VWA8: variants seen among roughly 807,000 people sequenced by gnomAD.
VWA8 encodes von Willebrand factor A domain-containing protein 8.
Under a neutral mutation model 241.5 loss-of-function variants are expected in VWA8, and 221 were observed. That is an observed-to-expected ratio of 0.91 (90% CI 0.82 to 1.02). The LOEUF (loss-of-function observed/expected upper bound fraction) is 1.02, where lower values mean the gene tolerates loss of function less well. Among genes scored for constraint, VWA8 ranks in the 50% least tolerant of loss-of-function variants. The pLI, the probability that VWA8 is intolerant of heterozygous loss-of-function variation, is 0.00. For synonymous variants in VWA8, 852 were observed against 827.1 expected (o/e 1.03, Z -0.52); for missense variants, 2,322 against 2,328.7 (o/e 1.00, Z 0.06).
rs773289524 is a variant in VWA8 at position 41,575,848 on chromosome 13, A to C, written c.5272-10T>G. 1 of 1,594,248 alleles carries C rather than the reference A, an allele frequency of 6.3e-7. No homozygotes were observed. The highest frequency in any genetic ancestry group is 2.2e-5 in the East Asian group (1 of 44,796). On this transcript the variant is annotated splice_polypyrimidine_tract_variant and intron_variant, in intron 42 of 44. Coordinates refer to ENST00000379310, the MANE Select transcript of VWA8 (RefSeq NM_015058.2). ...GTCCAACGATGTCATACTACATGCA[A>C]GAGAACCAGAAAGTTATAAACTTTT...
chr13:41,881,187 C>T (rs866971843), intron 9 of VWA8, among the ~76,000 whole-genome samples: 1 of 151,964 alleles, frequency 6.6e-6, no homozygotes, highest in Non-Finnish European at 1.5e-5. Context: ...AACCTGGGAA[C>T]TCCATCATTT....
At position 41,878,423 on chromosome 13, in the gene VWA8, CT is replaced by C. The variant is rs200400485; in HGVS notation, c.1080+4963del. ...TTATATCAATAAATACTCTTCCACT[CT>C]TTTTTTTTTTTGACTCTTCCACTCT... is the stretch of plus-strand genomic sequence containing the variant. On this transcript the variant is annotated intron_variant, in intron 9 of 44. Coordinates refer to ENST00000379310, the MANE Select transcript of VWA8 (RefSeq NM_015058.2). 2.8e-3 allele frequency among the ~76,000 whole-genome samples: 407 copies of C among 145,304 alleles called. 2 individuals carry two copies. The highest frequency in any genetic ancestry group is 0.01 in the East Asian group (52 of 5,034).
At chr13:41,665,717 C>A (rs1471401966) in intron 37 of VWA8, among the ~76,000 whole-genome samples, 1 of 151,936 alleles carries the variant, frequency 6.6e-6, no homozygotes, top group Admixed American at 6.6e-5. Flanking sequence ...AATTTGTTTT[C>A]TTTATACTTT....
intron 26 of VWA8, among the ~76,000 whole-genome samples, chr13:41,710,218 C>T (rs1705552165): frequency 6.6e-6 from 1 of 152,180 alleles, no homozygotes; most frequent in Non-Finnish European, 1.5e-5. Flanking sequence ...ACTTACAAGA[C>T]TCAACAAATG....
At position 41,611,677 on chromosome 13, in the gene VWA8, T is replaced by C. The variant is rs2044589710; in HGVS notation, c.4776A>G (p.Ala1592=). ...GGKGGPYRLD[A]GHTVYQVSQA... The stretch of plus-strand genomic sequence containing the variant: ...GAGAGACCTGGTACACCGTATGGCC[T>C]GCATCCAGCCGGTAAGGGCCTCCTT... The change falls in exon 39 of 45, where the codon GCA becomes GCG. Residue 1592 remains alanine (A), a synonymous_variant. Coordinates refer to ENST00000379310, the MANE Select transcript of VWA8 (RefSeq NM_015058.2). 6.2e-7 allele frequency: 1 copy of C among 1,614,106 alleles called. No individual in the cohort carries two copies. Among genetic ancestry groups the C allele is most frequent in the African/African-American group, 1.3e-5 (1 of 75,052 alleles).
At chr13:41,635,882 G>A (rs1304671660) in intron 37 of VWA8, among the ~76,000 whole-genome samples, 1 of 152,130 alleles carries the variant, frequency 6.6e-6, no homozygotes, top group East Asian at 1.9e-4. Flanking sequence ...GGGGGGTGCT[G>A]AGTTAGAAGT....
chr13:41,571,876 C>T (rs1317622421), intron 43 of VWA8, among the ~76,000 whole-genome samples: 2 of 151,960 alleles, frequency 1.3e-5, no homozygotes, highest in East Asian at 1.9e-4. Context: ...CGCCTCTTCC[C>T]GGCCGCCATC....
At chr13:41,648,688 T>C (rs1281565579) in intron 37 of VWA8, among the ~76,000 whole-genome samples, 4 of 152,232 alleles carry the variant, frequency 2.6e-5, no homozygotes, top group Non-Finnish European at 1.5e-5. Flanking sequence ...ACAAAAACTT[T>C]TTCATCTTCT....
At chr13:41,611,824 A>G (rs1285144712) in intron 38 of VWA8, 92 bp from the exon 39 acceptor site, 5 of 1,419,010 alleles carry the variant, frequency 3.5e-6, no homozygotes, top group Non-Finnish European at 4.8e-6. Flanking sequence ...CTTGTGGAGG[A>G]TATTAATTGT....
At chr13:41,800,113 T>G (rs1358905282) in intron 17 of VWA8, among the ~76,000 whole-genome samples, 4 of 152,256 alleles carry the variant, frequency 2.6e-5, no homozygotes, top group Admixed American at 2.6e-4. Context: ...CATGTATCAA[T>G]ACTTCATTTC....
At chr13:41,740,462 A>T (rs1488986247) in intron 21 of VWA8, among the ~76,000 whole-genome samples, 2 of 152,246 alleles carry the variant, frequency 1.3e-5, no homozygotes, top group South Asian at 2.1e-4. Context: ...AACTGGGTTG[A>T]ACTGAAGACG....
intron 37 of VWA8, among the ~76,000 whole-genome samples, chr13:41,644,371 T>C (rs536769284): frequency 5.3e-5 from 8 of 152,346 alleles, no homozygotes; most frequent in Non-Finnish European, 1.0e-4. Context: ...TCTTAGCAGA[T>C]ACATGTAGAG....
chr13:41,891,716 C>A, intron 4 of VWA8, 129 bp from the exon 5 acceptor site: 2 of 1,016,276 alleles, frequency 2.0e-6, no homozygotes, highest in East Asian at 2.6e-5. Context: ...AGCTGAGTTC[C>A]AGATCTTGTT....
intron 21 of VWA8, among the ~76,000 whole-genome samples, chr13:41,743,349 C>T (rs903614954): frequency 4.6e-5 from 7 of 152,322 alleles, no homozygotes; most frequent in African/African-American, 1.4e-4. Flanking sequence ...CATGCTGTCA[C>T]GAATGATTCT....
At chr13:41,601,388 C>T (rs2044520196) in intron 40 of VWA8, among the ~76,000 whole-genome samples, 1 of 152,092 alleles carries the variant, frequency 6.6e-6, no homozygotes, top group Non-Finnish European at 1.5e-5. Flanking sequence ...CACTATTTAT[C>T]TGAACAAAAG....
At chr13:41,626,920 G>A (rs2044695746) in intron 37 of VWA8, among the ~76,000 whole-genome samples, 1 of 152,150 alleles carries the variant, frequency 6.6e-6, no homozygotes, top group Non-Finnish European at 1.5e-5. Flanking sequence ...TTGGTAAGTG[G>A]AACCTACTTA....
chr13:41,789,448 A>C (rs1342863069), intron 17 of VWA8, among the ~76,000 whole-genome samples: 1 of 152,178 alleles, frequency 6.6e-6, no homozygotes, highest in Non-Finnish European at 1.5e-5. Flanking sequence ...TATTACATTT[A>C]TCATATTTAT....
intron 12 of VWA8, among the ~76,000 whole-genome samples, chr13:41,839,909 A>G (rs1408123553): frequency 2.6e-5 from 4 of 152,216 alleles, no homozygotes; most frequent in Admixed American, 6.5e-5. Context: ...TCTGTGAAGA[A>G]AGACAATGGT....
chr13:41,936,921 G>T (rs1483144809), intron 2 of VWA8, among the ~76,000 whole-genome samples: 1 of 152,036 alleles, frequency 6.6e-6, no homozygotes, highest in Admixed American at 6.5e-5. Flanking sequence ...TTAGATGATG[G>T]TCCCATAAGA....
Sources: gnomAD v4.1 joint callset for allele counts (sites outside exome capture counted in the v4.1 genomes callset) on GRCh38, gnomAD v4.1.1 for gene constraint, MANE v1.5 for transcripts, NCBI Gene and HGNC (gene_info 2026-07-23, HGNC 2026-07-21) for gene names.